C5: variants seen among roughly 807,000 people sequenced by gnomAD.
C5 encodes C3 and PZP-like alpha-2-macroglobulin domain-containing protein 4.
In C5, 140 loss-of-function variants were observed where a neutral mutation model predicts 218.8. That is an observed-to-expected ratio of 0.64 (90% CI 0.56 to 0.74). The LOEUF is 0.74. Among genes scored for constraint, C5 ranks in the 30% least tolerant of loss-of-function variants. C5 has a pLI of 0.00. For missense variants in C5, 1,700 were observed against 1,969.6 expected, an observed-to-expected ratio of 0.86 and a Z score of 2.59; for synonymous variants, 614 against 682.3, an observed-to-expected ratio of 0.90 and a Z score of 1.56.
rs2046827292 is a variant in C5 at position 120,961,525 on chromosome 9, T to C, written c.4545A>G (p.Lys1515=). Residue 1515 remains lysine, a synonymous_variant, in exon 37 of 41, where the codon AAA becomes AAG. Transcript: ENST00000223642. ...CTMFYSTSNI[K]IQKVCEGAAC... ...CGGCTCCTTCACAGACTTTCTGAAT[T>C]TTGATATTGGAAGTGCTATAAAACA... The C allele has an allele frequency of 5.6e-6, 9 of 1,613,380 alleles. No homozygotes were observed. The highest frequency in any genetic ancestry group is 7.6e-6 in the Non-Finnish European group (9 of 1,179,320).
chr9:121,067,722 C>G, the C5 span, among the ~76,000 whole-genome samples: 1 of 151,918 alleles, frequency 6.6e-6, no homozygotes, highest in African/African-American at 2.4e-5. Flanking sequence ...GGCAGTTTCC[C>G]CATGCTGTTC....
intron 2 of C5, among the ~76,000 whole-genome samples, chr9:121,045,383 G>A (rs2047618610): frequency 6.6e-6 from 1 of 151,084 alleles, no homozygotes; most frequent in Non-Finnish European, 1.5e-5. Flanking sequence ...AACTTAAAAC[G>A]GTACAATCTT....
chr9:120,994,592 CAA>C (rs35021159), intron 22 of C5, among the ~76,000 whole-genome samples: 15 of 147,508 alleles, frequency 1.0e-4, no homozygotes, highest in South Asian at 2.1e-4. Flanking sequence ...CCCCACCCCA[CAA>C]AAAAAAAATA....
chr9:120,993,464 C>T (rs1361838248), intron 22 of C5, among the ~76,000 whole-genome samples: 1 of 152,112 alleles, frequency 6.6e-6, no homozygotes, highest in Non-Finnish European at 1.5e-5. Context: ...GCTCTGTCGC[C>T]CAGGCTGGAG....
At chr9:120,995,820 CTT>C (rs66652956) in intron 22 of C5, among the ~76,000 whole-genome samples, 22 of 134,340 alleles carry the variant, frequency 1.6e-4, no homozygotes, top group Admixed American at 2.3e-4. Context: ...GAAGTGGATA[CTT>C]TTTTTTTTTT....
the C5 span, among the ~76,000 whole-genome samples, chr9:121,073,511 C>CTTTTT: frequency 1.9e-4 from 14 of 72,996 alleles, no homozygotes; most frequent in Admixed American, 3.9e-4. Context: ...GAAAACTGGA[C>CTTTTT]TTTTTTTTTT....
chr9:120,986,258 C>T (rs1477038336), intron 25 of C5, among the ~76,000 whole-genome samples: 1 of 151,040 alleles, frequency 6.6e-6, no homozygotes, highest in Non-Finnish European at 1.5e-5. Context: ...TAAAAATGTT[C>T]TGGAAAGATG....
rs559070998 is a variant in C5, at chr9:121,025,946, C to T, written c.874-366G>A. On this transcript the variant is annotated intron_variant, in intron 8 of 40. Transcript: ENST00000223642. ...TTTATAATATTTAATTTGTACTTCA[C>T]TGCTTACAAATTTAAATACTAATTT... is the stretch of plus-strand genomic sequence containing the variant. 3.2e-5 allele frequency: 6 copies of T among 187,818 alleles called. No homozygotes were observed. In the South Asian group the frequency reaches 5.5e-4, roughly 17 times the overall value. The allele number at this position is 187,818 out of a possible 1,614,324, so 11.6% of individuals were successfully genotyped here.
intron 9 of C5, 49 bp from the exon 10 acceptor site, chr9:121,023,568 T>G: frequency 1.0e-6 from 1 of 984,758 alleles, no homozygotes; most frequent in African/African-American, 1.6e-5. Flanking sequence ...AGTATCATGA[T>G]CTGTATGGAT....
chr9:121,023,151 T>C (rs571014736), intron 10 of C5, among the ~76,000 whole-genome samples: 2 of 152,364 alleles, frequency 1.3e-5, no homozygotes, highest in African/African-American at 4.8e-5. Flanking sequence ...ATTTATTACA[T>C]GTAATTTAAT....
At chr9:120,981,702 A>G (rs968893137) in intron 27 of C5, 142 bp downstream of exon 27, 4 of 659,922 alleles carry the variant, frequency 6.1e-6, no homozygotes, top group African/African-American at 1.8e-5. Context: ...AAATCTTTCA[A>G]TTCTGGAGTT....
chr9:121,026,090 G>T (rs2047419352), intron 8 of C5, among the ~76,000 whole-genome samples: 1 of 152,136 alleles, frequency 6.6e-6, no homozygotes, highest in African/African-American at 2.4e-5. Flanking sequence ...CGACTTGAGG[G>T]CAGGCATTTT....
At chr9:121,029,454 T>C (rs772400327) in intron 7 of C5, among the ~76,000 whole-genome samples, 10 of 152,234 alleles carry the variant, frequency 6.6e-5, no homozygotes, top group Non-Finnish European at 1.0e-4. Flanking sequence ...AGTAACAATA[T>C]CAACGCATAG....
Position 120,989,784 on chromosome 9 carries a change from A to C in C5, c.2942-4T>G. The C allele has an allele frequency of 1.2e-6, 2 of 1,612,856 alleles. No homozygotes were observed. The highest frequency in any genetic ancestry group is 2.2e-5 in the South Asian group (2 of 91,036). ...AAGATCTCACCTACAAGCAGTCCTG[A>C]AACAAAAAAGATCAAAGTAGACACA... On this transcript the variant is annotated splice_polypyrimidine_tract_variant and splice_region_variant and intron_variant, in intron 23 of 40. Coordinates refer to ENST00000223642, the MANE Select transcript of C5 (RefSeq NM_001735.3).
At chr9:120,986,491 T>C (rs1195278262) in intron 25 of C5, among the ~76,000 whole-genome samples, 1 of 152,182 alleles carries the variant, frequency 6.6e-6, no homozygotes, top group African/African-American at 2.4e-5. Flanking sequence ...TGAGGGTATT[T>C]AGGTGCTGGA....
intron 25 of C5, among the ~76,000 whole-genome samples, chr9:120,987,370 C>A (rs1044005794): frequency 2.0e-5 from 3 of 151,946 alleles, no homozygotes; most frequent in Admixed American, 6.6e-5. Context: ...ACTGGCCAGG[C>A]GCAGTGGCTC....
At position 121,033,490 on chromosome 9, in the gene C5, G is replaced by A. The variant is rs117490413; in HGVS notation, c.585-1295C>T. Among the ~76,000 whole-genome samples, 191 of 152,368 alleles carry A rather than the reference G, an allele frequency of 1.3e-3. 4 individuals are homozygous for A. In the East Asian group the frequency reaches 0.033, roughly 26 times the overall value. ...AGCCAGGTGAAGCCCATTCCAAGTAGAGGGGATGACATGTGCAAAGGCACG... is the reference window on the plus strand; with the variant it reads ...AGCCAGGTGAAGCCCATTCCAAGTAAAGGGGATGACATGTGCAAAGGCACG... On this transcript the variant is annotated intron_variant, in intron 5 of 40. Coordinates refer to ENST00000223642, the MANE Select transcript of C5 (RefSeq NM_001735.3).
intron 20 of C5, 21 bp from the exon 21 acceptor site, chr9:120,997,795 TA>T: frequency 6.3e-7 from 1 of 1,591,698 alleles, no homozygotes; most frequent in Non-Finnish European, 8.6e-7. Context: ...AGTGAAGAAT[TA>T]TATCAAAATA....
chr9:121,038,233 A>C (rs1293608719), intron 3 of C5, among the ~76,000 whole-genome samples: 2 of 152,216 alleles, frequency 1.3e-5, no homozygotes, highest in Non-Finnish European at 2.9e-5. Context: ...GTTTTGAGAA[A>C]ACATTCACAG....
Sources: allele counts gnomAD v4.1 joint callset (sites outside exome capture counted in the v4.1 genomes callset), GRCh38; gene constraint gnomAD v4.1.1; transcripts MANE v1.5; gene names NCBI Gene and HGNC (gene_info 2026-07-23, HGNC 2026-07-21).